VAC14: variants seen among roughly 807,000 people sequenced by gnomAD.
VAC14 encodes protein VAC14 homolog.
In VAC14, 47 loss-of-function variants were observed where a neutral mutation model predicts 85.3. The ratio of observed to expected loss-of-function variants is 0.55; its 90% CI spans 0.44 to 0.70. The LOEUF is 0.70. Among genes scored for constraint, VAC14 ranks in the 30% least tolerant of loss-of-function variants. The pLI is 0.00. For missense variants in VAC14, 861 were observed against 1,004.3 expected (o/e 0.86, Z 1.93); for synonymous variants, 447 against 430.5 (o/e 1.04, Z -0.47).
intron 14 of VAC14, among the ~76,000 whole-genome samples, chr16:70,723,632 C>A (rs1054539127): frequency 6.6e-6 from 1 of 152,238 alleles, no homozygotes; most frequent in African/African-American, 2.4e-5. Context: ...GAAACAACTT[C>A]TCAAGCTTCA....
chr16:70,750,264 A>C (rs887713014), intron 12 of VAC14, among the ~76,000 whole-genome samples: 1 of 152,248 alleles, frequency 6.6e-6, no homozygotes, highest in African/African-American at 2.4e-5. Flanking sequence ...AAAAGGCTCA[A>C]AGAAAGCGGG....
chr16:70,786,526 C>T (rs1340199872), intron 1 of VAC14, 161 bp from the exon 2 acceptor site: 3 of 853,810 alleles, frequency 3.5e-6, no homozygotes, highest in South Asian at 2.0e-5. Flanking sequence ...GCTGAGTCAT[C>T]GTTGTTTCCC....
At chr16:70,768,887 GC>G in intron 10 of VAC14, 1 of 447,814 alleles carries the variant, frequency 2.2e-6, no homozygotes, top group Non-Finnish European at 4.5e-6. Context: ...TGAAACCTCC[GC>G]CTCCCAGGTT....
chr16:70,731,526 G>C lies in VAC14; in HGVS notation c.1630C>G (p.Leu544Val), dbSNP rs763136943. The change falls in exon 14 of 19, where the codon CTC becomes GTC. Residue 544 changes from leucine (L) to valine (V), a missense_variant. Leu to Val is a conservative substitution (Grantham distance 32). This residue lies in a region of VAC14 where 629 missense variants were observed against 703.1 expected (regional missense o/e 0.89). Transcript: ENST00000261776. Reference sequence around the variant, plus strand: ...ATGAAAGGGCCTCTGACCTCCAGGAGCTTCCGTTCGCTGCTGAATCTCTTG... The same window carrying C: ...ATGAAAGGGCCTCTGACCTCCAGGACCTTCCGTTCGCTGCTGAATCTCTTG... Reference protein sequence around the residue: ...LLKRFSSERKLLEVRGPFIIR... With the variant: ...LLKRFSSERKVLEVRGPFIIR... The C allele has an allele frequency of 6.2e-7, 1 of 1,614,146 alleles. No individual in the cohort carries two copies. Among genetic ancestry groups the C allele is most frequent in the Non-Finnish European group, 8.5e-7 (1 of 1,179,982 alleles).
At chr16:70,694,155 G>C (rs1343887453) in intron 17 of VAC14, among the ~76,000 whole-genome samples, 1 of 152,234 alleles carries the variant, frequency 6.6e-6, no homozygotes, top group Non-Finnish European at 1.5e-5. Context: ...CTGTTACCCT[G>C]CCCCAGCAAA....
At chr16:70,771,908 A>G (rs2033249763) in intron 10 of VAC14, 2 of 571,384 alleles carry the variant, frequency 3.5e-6, no homozygotes, top group East Asian at 2.9e-5. Context: ...CGCCCTATCT[A>G]TCCATCAAGC....
At chr16:70,800,507 A>C (rs2034736976) in intron 1 of VAC14, among the ~76,000 whole-genome samples, 1 of 152,130 alleles carries the variant, frequency 6.6e-6, no homozygotes, top group Non-Finnish European at 1.5e-5. Context: ...CCGAAGACTC[A>C]CCATGTGCCA....
intron 12 of VAC14, among the ~76,000 whole-genome samples, chr16:70,759,304 T>A (rs1190911065): frequency 6.6e-6 from 1 of 152,102 alleles, no homozygotes; most frequent in Non-Finnish European, 1.5e-5. Context: ...GGACGAAGGA[T>A]CTGGGGGCTG....
intron 14 of VAC14, among the ~76,000 whole-genome samples, chr16:70,727,843 T>C (rs1302400053): frequency 6.6e-6 from 1 of 152,220 alleles, no homozygotes; most frequent in Non-Finnish European, 1.5e-5. Flanking sequence ...ACTGGGTGGC[T>C]GGGCCTGCAA....
At chr16:70,699,901 C>T (rs1317924496) in intron 14 of VAC14, 1 of 152,226 alleles carries the variant, frequency 6.6e-6, no homozygotes, top group African/African-American at 2.4e-5. Context: ...ACACCACCTT[C>T]CGTCTGGGGC....
intron 1 of VAC14, among the ~76,000 whole-genome samples, chr16:70,787,609 G>A (rs1268984146): frequency 3.3e-5 from 5 of 152,242 alleles, no homozygotes; most frequent in African/African-American, 1.2e-4. Flanking sequence ...GGCATGTGGT[G>A]GCAGGAGTGC....
At chr16:70,757,455 C>G (rs1193852472) in intron 12 of VAC14, among the ~76,000 whole-genome samples, 1 of 152,134 alleles carries the variant, frequency 6.6e-6, no homozygotes, top group African/African-American at 2.4e-5. Context: ...GCAGCCTCAG[C>G]CCAGGAGTGC....
At chr16:70,780,750 C>G in intron 9 of VAC14, 40 bp downstream of exon 9, 1 of 1,532,372 alleles carries the variant, frequency 6.5e-7, no homozygotes, top group Non-Finnish European at 8.8e-7. Context: ...CTCCCTGGGC[C>G]CCCGACAGGA....
intron 1 of VAC14, among the ~76,000 whole-genome samples, chr16:70,799,195 T>A (rs2034664660): frequency 6.6e-6 from 1 of 152,118 alleles, no homozygotes; most frequent in African/African-American, 2.4e-5. Flanking sequence ...CAAAACTAGG[T>A]GTCAAGGCAA....
chr16:70,787,222 C>G (rs149074170), intron 1 of VAC14, among the ~76,000 whole-genome samples: 1 of 152,134 alleles, frequency 6.6e-6, no homozygotes, highest in Non-Finnish European at 1.5e-5. Flanking sequence ...ATGCCGGGGA[C>G]GTTCAGGAGA....
chr16:70,743,810 G>A (rs1203220688), intron 13 of VAC14, among the ~76,000 whole-genome samples: 2 of 152,170 alleles, frequency 1.3e-5, no homozygotes, highest in South Asian at 2.1e-4. Context: ...ACTACCAAAC[G>A]TGTCCTCAGG....
chr16:70,753,418 AGAG>A (rs1349395194), intron 12 of VAC14, among the ~76,000 whole-genome samples: 1 of 152,190 alleles, frequency 6.6e-6, no homozygotes, highest in East Asian at 1.9e-4. Context: ...GGCCATCTCC[AGAG>A]GAGGAAAAAT....
At chr16:70,693,813 T>G (rs755187994) in intron 17 of VAC14, among the ~76,000 whole-genome samples, 1 of 152,212 alleles carries the variant, frequency 6.6e-6, no homozygotes, top group African/African-American at 2.4e-5. Context: ...GTGGAGGATA[T>G]GCCATGTGCT....
At chr16:70,699,351 T>C (rs2053777167) in intron 14 of VAC14, 1 of 157,702 alleles carries the variant, frequency 6.3e-6, no homozygotes, top group African/African-American at 2.4e-5. Context: ...CACAGATCCG[T>C]GTGGGATCAG....
Sources: gnomAD v4.1 joint callset for allele counts (sites outside exome capture counted in the v4.1 genomes callset) on GRCh38, gnomAD v4.1.1 for gene constraint, gnomAD v4.1.1 regional missense constraint, MANE v1.5 for transcripts, NCBI Gene and HGNC (gene_info 2026-07-23, HGNC 2026-07-21) for gene names.